GRID1: variants seen among roughly 807,000 people sequenced by gnomAD.
GRID1 encodes the protein glutamate receptor ionotropic, delta-1.
GRID1 carries 28 observed loss-of-function variants against 98.0 expected under a neutral mutation model. That is an observed-to-expected ratio of 0.29 (90% CI 0.21 to 0.39). The LOEUF is 0.39. Ranked by LOEUF, GRID1 falls within the 10% of genes least tolerant of loss-of-function variation. The pLI is 1.00. For missense variants in GRID1, 1,111 were observed against 1,340.5 expected, an observed-to-expected ratio of 0.83 and a Z score of 2.67; for synonymous variants, 553 against 538.5, an observed-to-expected ratio of 1.03 and a Z score of -0.37.
intron 2 of GRID1, among the ~76,000 whole-genome samples, chr10:86,324,777 C>CA (rs58937237): frequency 3.4e-5 from 5 of 147,462 alleles, no homozygotes; most frequent in African/African-American, 4.9e-5. Context: ...ATAAAATCTT[C>CA]AAAAAAAAAT....
rs543770976 is a variant in GRID1 at position 86,234,915 on chromosome 10, C to G, written c.236-28267G>C. Among the ~76,000 whole-genome samples, 14 of 152,268 alleles carry G rather than the reference C, an allele frequency of 9.2e-5. No individual in the cohort carries two copies. In the South Asian group the frequency reaches 2.7e-3, roughly 29 times the overall value. On this transcript the variant is annotated intron_variant, in intron 2 of 15. Coordinates refer to ENST00000327946, the MANE Select transcript of GRID1 (RefSeq NM_017551.3). The stretch of plus-strand genomic sequence containing the variant: ...ACCTGCAGGCGCACTGATGGTGGAA[C>G]CACCAGCCAAATCAATAGAGCTGGA...
intron 4 of GRID1, among the ~76,000 whole-genome samples, chr10:85,999,033 C>A (rs1275409459): frequency 1.3e-5 from 2 of 151,884 alleles, no homozygotes; most frequent in African/African-American, 2.4e-5. Context: ...GCCAACATGG[C>A]GAAACCCTGT....
At chr10:86,087,341 TTGTGTG>T (rs10591518) in intron 4 of GRID1, among the ~76,000 whole-genome samples, 71 of 148,090 alleles carry the variant, frequency 4.8e-4, no homozygotes, top group African/African-American at 1.5e-3. Context: ...TTGAGTGTGT[TTGTGTG>T]TGTGTGTGTG....
intron 8 of GRID1, among the ~76,000 whole-genome samples, chr10:85,773,115 C>T (rs1267434589): frequency 1.3e-5 from 2 of 152,290 alleles, no homozygotes; most frequent in East Asian, 3.9e-4. Context: ...CATCAAAAAC[C>T]TTATCCACCA....
Position 85,845,486 on chromosome 10 carries a change from T to C in GRID1, c.1233+9010A>G, listed in dbSNP as rs566751165. Among the ~76,000 whole-genome samples, 115 of 152,340 alleles carry C rather than the reference T, an allele frequency of 7.5e-4. 2 individuals carry two copies. The highest frequency in any genetic ancestry group is 2.0e-3 in the African/African-American group (85 of 41,590). ...TGGTAAGACATTAACACTTCCCAAA[T>C]TGATCAAGAGTCAAGGCAATCTCAG... On this transcript the variant is annotated intron_variant, in intron 8 of 15. Transcript: ENST00000327946.
intron 13 of GRID1, among the ~76,000 whole-genome samples, chr10:85,641,025 G>A (rs1249055951): frequency 1.3e-5 from 2 of 152,182 alleles, no homozygotes; most frequent in Non-Finnish European, 2.9e-5. Context: ...TTTATTCAAA[G>A]GACTGAATAA....
chr10:85,868,435 G>T (rs1179982300), intron 6 of GRID1, among the ~76,000 whole-genome samples: 1 of 152,174 alleles, frequency 6.6e-6, no homozygotes, highest in Non-Finnish European at 1.5e-5. Context: ...TAGGGTTGAA[G>T]GACTGACCAG....
chr10:85,914,511 C>T (rs1841584904), intron 5 of GRID1, among the ~76,000 whole-genome samples: 1 of 152,090 alleles, frequency 6.6e-6, no homozygotes, highest in Admixed American at 6.5e-5. Context: ...GCAGTCATGT[C>T]CCTTCTAATT....
At position 86,206,457 on chromosome 10, in the gene GRID1, A is replaced by T. The variant is rs779728604; in HGVS notation, c.427T>A (p.Ser143Thr). Residue 143 changes from serine to threonine, a missense_variant, in exon 3 of 16, where the codon TCG becomes ACG. Physicochemically the swap from Ser to Thr is moderately conservative, Grantham distance 58. This residue lies in a region of GRID1 where 346 missense variants were observed against 452.3 expected (regional missense o/e 0.76). Coordinates refer to ENST00000327946, the MANE Select transcript of GRID1 (RefSeq NM_017551.3). This position sits in a 1 kb window ranked among gnomAD's most constrained non-coding sequence, Gnocchi z 4.1. ...TCATTGAGGCGGACGGGTGGTCTCG[A>T]AGCCAGTGTGTAGGCCTCACCATCG... The part of the protein sequence containing the change: ...SPDGEAYTLA[S>T]RPPVRLNDVM... 3.7e-6 allele frequency: 6 copies of T among 1,614,170 alleles called. No individual in the cohort carries two copies. The highest frequency in any genetic ancestry group is 1.6e-4 in the Middle Eastern group (1 of 6,062).
intron 6 of GRID1, among the ~76,000 whole-genome samples, chr10:85,861,812 T>G (rs929635433): frequency 6.6e-6 from 1 of 152,212 alleles, no homozygotes; most frequent in Non-Finnish European, 1.5e-5. Context: ...GCTCAGGGGT[T>G]TCAGTCCTGG....
intron 4 of GRID1, among the ~76,000 whole-genome samples, chr10:86,086,874 C>T (rs1234493376): frequency 6.6e-6 from 1 of 152,186 alleles, no homozygotes; most frequent in Admixed American, 6.5e-5. Flanking sequence ...ATCTTTTTCA[C>T]AGCTGTATGC....
chr10:86,294,335 T>C (rs570689476), intron 2 of GRID1, among the ~76,000 whole-genome samples: 1 of 152,304 alleles, frequency 6.6e-6, no homozygotes, highest in African/African-American at 2.4e-5. Context: ...TCTAGCGAGA[T>C]GGGAGCTGTT....
intron 2 of GRID1, among the ~76,000 whole-genome samples, chr10:86,215,987 A>G (rs568860068): frequency 6.6e-6 from 1 of 152,222 alleles, no homozygotes; most frequent in South Asian, 2.1e-4. Flanking sequence ...AGACATGCCC[A>G]TTCTAATCTC....
chr10:86,099,127 TG>T (rs1844259774), intron 4 of GRID1, among the ~76,000 whole-genome samples: 2 of 152,202 alleles, frequency 1.3e-5, no homozygotes, highest in Non-Finnish European at 1.5e-5. Context: ...CCACCAGTGT[TG>T]GTACCAGAAC....
At chr10:85,906,876 A>G (rs552987483) in intron 5 of GRID1, among the ~76,000 whole-genome samples, 1 of 152,294 alleles carries the variant, frequency 6.6e-6, no homozygotes, top group South Asian at 2.1e-4. Context: ...GGAAGACAAA[A>G]CAATAAATTA....
At chr10:86,016,146 C>CTTTTT (rs34064996) in intron 4 of GRID1, among the ~76,000 whole-genome samples, 1 of 132,506 alleles carries the variant, frequency 7.5e-6, no homozygotes, top group African/African-American at 2.7e-5. Flanking sequence ...AGAGCACCAT[C>CTTTTT]TTTTTTTTTT....
chr10:86,002,290 G>T lies in GRID1; in HGVS notation c.727-86051C>A, dbSNP rs538375499. Among the ~76,000 whole-genome samples the T allele has an allele frequency of 3.3e-5, 5 of 152,274 alleles. No homozygotes were observed. The East Asian group carries it at 9.6e-4, about 29-fold the overall frequency. ...AAAACAAGAATGCTGGCATTCATTT[G>T]CTTAATGTACTAATAGCAACTGATT... On this transcript the variant is annotated intron_variant, in intron 4 of 15. Coordinates refer to ENST00000327946, the MANE Select transcript of GRID1 (RefSeq NM_017551.3).
At chr10:86,164,027 C>T (rs1156542258) in intron 3 of GRID1, among the ~76,000 whole-genome samples, 2 of 152,156 alleles carry the variant, frequency 1.3e-5, no homozygotes, top group African/African-American at 4.8e-5. Flanking sequence ...CTCCAGCTGG[C>T]CATAGTCCTA....
At chr10:85,901,191 C>T (rs973826638) in intron 5 of GRID1, among the ~76,000 whole-genome samples, 7 of 151,798 alleles carry the variant, frequency 4.6e-5, no homozygotes, top group African/African-American at 1.7e-4. Context: ...CAAAGAAGAG[C>T]TATCTTTTAT....
Sources: gnomAD v4.1 joint callset for allele counts (sites outside exome capture counted in the v4.1 genomes callset) on GRCh38, gnomAD v4.1.1 for gene constraint, gnomAD v4.1.1 regional missense constraint, Gnocchi (gnomAD v3.1) non-coding constraint, MANE v1.5 for transcripts, NCBI Gene and HGNC (gene_info 2026-07-23, HGNC 2026-07-21) for gene names.